The following SLC25A42 variants were observed in gnomAD, a reference collection of about 807,000 sequenced individuals.
SLC25A42 encodes mitochondrial coenzyme A transporter SLC25A42.
In SLC25A42, 19 loss-of-function variants were observed where a neutral mutation model predicts 34.7. The ratio of observed to expected loss-of-function variants is 0.55; its 90% CI spans 0.38 to 0.80. The LOEUF (loss-of-function observed/expected upper bound fraction) is 0.80. Among genes scored for constraint, SLC25A42 ranks in the 30% least tolerant of loss-of-function variants. SLC25A42 has a pLI of 0.00. For missense variants in SLC25A42, 364 were observed against 441.3 expected (o/e 0.82, Z 1.57); for synonymous variants, 205 against 191.2 (o/e 1.07, Z -0.59).
At chr19:19,085,988 C>G (rs111908208) in intron 1 of SLC25A42, among the ~76,000 whole-genome samples, 2 of 152,216 alleles carry the variant, frequency 1.3e-5, no homozygotes, top group African/African-American at 4.8e-5. Flanking sequence ...CTTAGAGTCA[C>G]CCTCCACAGT....
At chr19:19,107,756 T>G (rs2059839653) in intron 6 of SLC25A42, 138 bp from the exon 7 acceptor site, 2 of 805,334 alleles carry the variant, frequency 2.5e-6, no homozygotes, top group Non-Finnish European at 4.0e-6. Context: ...GGGTTATATG[T>G]CTTGAAGAAG....
In SLC25A42 at chr19:19,110,902, G is replaced by C; in HGVS notation, c.*26G>C. The C allele has an allele frequency of 6.2e-7, 1 of 1,611,990 alleles. No individual in the cohort carries two copies. Among genetic ancestry groups the C allele is most frequent in the African/African-American group, 1.3e-5 (1 of 74,996 alleles). On this transcript the variant is annotated 3_prime_UTR_variant, in exon 8 of 8. Coordinates refer to ENST00000318596, the MANE Select transcript of SLC25A42 (RefSeq NM_178526.5). Reference sequence around the variant, plus strand: ...GGGACCCTGAGCTGCTCTCAGGACGGTGGACCGGTGACCCCTTTGTATTCT... The same window carrying C: ...GGGACCCTGAGCTGCTCTCAGGACGCTGGACCGGTGACCCCTTTGTATTCT...
intron 1 of SLC25A42, among the ~76,000 whole-genome samples, chr19:19,082,645 G>A (rs1037578743): frequency 6.6e-6 from 1 of 151,700 alleles, no homozygotes; most frequent in Non-Finnish European, 1.5e-5. Context: ...TTACAAGCAT[G>A]AGCCACTGAT....
chr19:19,108,052 A>C lies in SLC25A42; in HGVS notation c.649+7A>C. 1.3e-6 allele frequency: 2 copies of C among 1,549,822 alleles called. No homozygotes were observed. The highest frequency in any genetic ancestry group is 1.7e-6 in the Non-Finnish European group (2 of 1,145,174). On this transcript the variant is annotated splice_region_variant and intron_variant, in intron 7 of 7. Transcript: ENST00000318596. Reference sequence around the variant, plus strand: ...CTCAAGAGCTTGCACAGAGGTAAGGAGAGCTGGGAGCATGAGGAGGGGACG... The same window carrying C: ...CTCAAGAGCTTGCACAGAGGTAAGGCGAGCTGGGAGCATGAGGAGGGGACG...
chr19:19,100,740 C>T (rs983633892), intron 2 of SLC25A42, among the ~76,000 whole-genome samples: 9 of 152,192 alleles, frequency 5.9e-5, no homozygotes, highest in African/African-American at 1.4e-4. Flanking sequence ...ACCAGTGGCA[C>T]CACGGGGACA....
intron 1 of SLC25A42, among the ~76,000 whole-genome samples, chr19:19,083,028 G>T (rs1268573471): frequency 6.6e-6 from 1 of 151,936 alleles, no homozygotes; most frequent in Non-Finnish European, 1.5e-5. Flanking sequence ...CACCATGTTG[G>T]CCAGGATGGT....
At chr19:19,103,043 T>C (rs535871818) in intron 3 of SLC25A42, among the ~76,000 whole-genome samples, 15 of 152,226 alleles carry the variant, frequency 9.9e-5, no homozygotes, top group South Asian at 4.1e-4. Flanking sequence ...TCACGTGGCC[T>C]TCTCCCCTGT....
At chr19:19,083,980 C>T (rs1243188838) in intron 1 of SLC25A42, among the ~76,000 whole-genome samples, 8 of 148,838 alleles carry the variant, frequency 5.4e-5, no homozygotes, top group Admixed American at 1.3e-4. Flanking sequence ...ACCTTCAGGG[C>T]GCTGCACACA....
Position 19,101,839 on chromosome 19 carries a change from C to T in SLC25A42, c.140C>T (p.Ala47Val). Residue 47 changes from alanine (A) to valine (V), a missense_variant, in exon 3 of 8, where the codon GCC becomes GTC. Physicochemically the swap from Ala to Val is moderately conservative, Grantham distance 64. Transcript: ENST00000318596. The stretch of plus-strand genomic sequence containing the variant: ...TCTGGGGCCCTGGCTGGTGCCCTTG[C>T]CAAAACAGCGGTAGCTCCCCTGGAC... Reference protein sequence around the residue: ...LLSGALAGALAKTAVAPLDRT... With the variant: ...LLSGALAGALVKTAVAPLDRT... 1 of 1,613,790 alleles carries T rather than the reference C, an allele frequency of 6.2e-7. No individual in the cohort carries two copies. The highest frequency in any genetic ancestry group is 8.5e-7 in the Non-Finnish European group (1 of 1,179,850).
intron 3 of SLC25A42, among the ~76,000 whole-genome samples, chr19:19,104,071 T>A (rs2059812942): frequency 6.6e-6 from 1 of 152,072 alleles, no homozygotes; most frequent in Non-Finnish European, 1.5e-5. Flanking sequence ...CATGCCTGGC[T>A]AATTTTTTTG....
At chr19:19,096,039 C>T (rs769993481) in intron 1 of SLC25A42, 52 bp from the exon 2 acceptor site, 83 of 1,217,900 alleles carry the variant, frequency 6.8e-5, no homozygotes, top group Middle Eastern at 1.9e-4. Flanking sequence ...GTGGAACACC[C>T]ACCATCTCTC....
At chr19:19,093,490 G>A (rs12979841) in intron 1 of SLC25A42, among the ~76,000 whole-genome samples, 117,240 of 152,122 alleles carry the variant, frequency 0.77, 45,764 homozygotes, top group East Asian at 0.91. Flanking sequence ...CTTTATTCAC[G>A]TTCTTCCATT....
At position 19,105,599 on chromosome 19, in the gene SLC25A42, G is replaced by A. The variant is rs1159336353; in HGVS notation, c.252G>A (p.Glu84=). ...FRVLYYTYLN[E]GFLSLWRGNS... is the part of the protein sequence containing the mutation. Reference sequence around the variant, plus strand: ...TCCTCTACTACACCTACCTCAACGAGGGATTTCTCAGCTTGTGGCGCGGGA... The same window carrying A: ...TCCTCTACTACACCTACCTCAACGAAGGATTTCTCAGCTTGTGGCGCGGGA... The change falls in exon 5 of 8, where the codon GAG becomes GAA. Residue 84 remains glutamate, a synonymous_variant. Coordinates refer to ENST00000318596, the MANE Select transcript of SLC25A42 (RefSeq NM_178526.5). 2.5e-6 allele frequency: 4 copies of A among 1,613,910 alleles called. No individual in the cohort carries two copies. Among genetic ancestry groups the A allele is most frequent in the Non-Finnish European group, 3.4e-6 (4 of 1,179,976 alleles).
chr19:19,102,013 TG>T, intron 3 of SLC25A42, 127 bp downstream of exon 3: 2 of 670,608 alleles, frequency 3.0e-6, no homozygotes, highest in South Asian at 4.2e-5. Flanking sequence ...GGTTTTTTGT[TG>T]TTTTTTTTTT....
intron 3 of SLC25A42, among the ~76,000 whole-genome samples, chr19:19,104,236 A>G (rs77563143): frequency 3.3e-5 from 5 of 152,124 alleles, no homozygotes; most frequent in African/African-American, 1.2e-4. Context: ...TTAAGTGCGC[A>G]TGAGCAGGTG....
Position 19,110,746 on chromosome 19 carries a change from G to C in SLC25A42, c.827G>C (p.Arg276Pro), listed in dbSNP as rs200692918. ...GCCCGCACGCTGCGCACCATCGTGC[G>C]GGAGGAGGGCGCCGTGCGCGGCCTC... The part of the protein sequence containing the change: ...SIARTLRTIV[R>P]EEGAVRGLYK... The change falls in exon 8 of 8, where the codon CGG becomes CCG. Residue 276 changes from arginine to proline, a missense_variant. Transcript: ENST00000318596. 2 of 1,612,244 alleles carry C rather than the reference G, an allele frequency of 1.2e-6. No individual in the cohort carries two copies. Among genetic ancestry groups the C allele is most frequent in the South Asian group, 1.1e-5 (1 of 90,998 alleles).
rs145470796 is a variant in SLC25A42, at chr19:19,090,009, T to C, written c.-34-6082T>C. On this transcript the variant is annotated intron_variant, in intron 1 of 7. Coordinates refer to ENST00000318596, the MANE Select transcript of SLC25A42 (RefSeq NM_178526.5). ...CCTTCTGAGCTTTCCTTGGGCCCTTTCCAAAGATTGTTTTCTTAGGCAAAA... is the reference window on the plus strand; with the variant it reads ...CCTTCTGAGCTTTCCTTGGGCCCTTCCCAAAGATTGTTTTCTTAGGCAAAA... Among the ~76,000 whole-genome samples the C allele has an allele frequency of 2.8e-3, 420 of 152,334 alleles. 2 individuals are homozygous for C. Among genetic ancestry groups the C allele is most frequent in the African/African-American group, 9.6e-3 (398 of 41,562 alleles).
chr19:19,099,723 G>A (rs1203224734), intron 2 of SLC25A42, among the ~76,000 whole-genome samples: 1 of 151,940 alleles, frequency 6.6e-6, no homozygotes. Context: ...TTCTACCCTG[G>A]TCACATTTTT....
At chr19:19,089,193 A>G (rs977180954) in intron 1 of SLC25A42, among the ~76,000 whole-genome samples, 1 of 152,190 alleles carries the variant, frequency 6.6e-6, no homozygotes, top group Admixed American at 6.5e-5. Context: ...AGAGAGCTCA[A>G]CTTACACTCT....
Sources: gnomAD v4.1 joint callset for allele counts (sites outside exome capture counted in the v4.1 genomes callset) on GRCh38, gnomAD v4.1.1 for gene constraint, MANE v1.5 for transcripts, NCBI Gene and HGNC (gene_info 2026-07-23, HGNC 2026-07-21) for gene names.